UBXN2B: variants seen among roughly 807,000 people sequenced by gnomAD.
The protein encoded by UBXN2B is UBX domain protein 2B, also known as UBX domain-containing protein 2B.
In UBXN2B, 19 loss-of-function variants were observed where a neutral mutation model predicts 37.5. The observed-to-expected ratio is 0.51, with a 90% CI of 0.35 to 0.74. UBXN2B has a LOEUF of 0.74. Among genes scored for constraint, UBXN2B ranks in the 30% least tolerant of loss-of-function variants. The probability of loss-of-function intolerance (pLI) is 0.01; values close to 1 mark genes in which losing one functional copy is unlikely to be tolerated. For synonymous variants in UBXN2B, 145 were observed against 143.8 expected (o/e 1.01, Z -0.06); for missense variants, 370 against 393.2 (o/e 0.94, Z 0.50).
At chr8:58,428,425 T>C (rs933197642) in intron 2 of UBXN2B, among the ~76,000 whole-genome samples, 4 of 152,222 alleles carry the variant, frequency 2.6e-5, no homozygotes, top group Admixed American at 2.0e-4. Context: ...AATGACATAA[T>C]TGCATACAAA....
rs141672623 is a variant in UBXN2B at position 58,411,576 on chromosome 8, C to T, written c.84+107C>T. 1,268 of 944,220 alleles carry T rather than the reference C, an allele frequency of 1.3e-3. 4 individuals carry two copies. In the African/African-American group the frequency reaches 0.016, roughly 12 times the overall value. The allele number at this position is 944,220 out of a possible 1,614,324, so 58.5% of individuals were successfully genotyped here. On this transcript the variant is annotated intron_variant, in intron 1 of 7. Transcript: ENST00000399598. ...CTCTGGCCTCGGCGGAGCCTTTCCCCGACCCCGTCTGGGGATAGAATCCGG... is the reference window on the plus strand; with the variant it reads ...CTCTGGCCTCGGCGGAGCCTTTCCCTGACCCCGTCTGGGGATAGAATCCGG...
chr8:58,442,323 A>G (rs1471729664), intron 6 of UBXN2B, among the ~76,000 whole-genome samples: 1 of 152,256 alleles, frequency 6.6e-6, no homozygotes, highest in Middle Eastern at 3.2e-3. Context: ...GAAGAATTAC[A>G]TAGAACATTT....
intron 3 of UBXN2B, among the ~76,000 whole-genome samples, chr8:58,431,466 C>G (rs1808275175): frequency 6.6e-6 from 1 of 152,172 alleles, no homozygotes; most frequent in Non-Finnish European, 1.5e-5. Context: ...TTTAACCATT[C>G]ATTTATTGAG....
chr8:58,442,202 A>T (rs1430941761), intron 6 of UBXN2B, among the ~76,000 whole-genome samples: 1 of 152,138 alleles, frequency 6.6e-6, no homozygotes, highest in Non-Finnish European at 1.5e-5. Context: ...AGTCTGGGAG[A>T]TGGAGTCTTT....
At chr8:58,416,467 T>C (rs1340539542) in intron 1 of UBXN2B, among the ~76,000 whole-genome samples, 1 of 152,134 alleles carries the variant, frequency 6.6e-6, no homozygotes, top group Non-Finnish European at 1.5e-5. Context: ...TGAATGAAAC[T>C]ATTTTATGAG....
intron 1 of UBXN2B, among the ~76,000 whole-genome samples, chr8:58,413,770 T>C (rs1345244388): frequency 6.6e-6 from 1 of 152,120 alleles, no homozygotes; most frequent in African/African-American, 2.4e-5. Context: ...CGGAAATGTT[T>C]TTTTGCATAT....
intron 6 of UBXN2B, among the ~76,000 whole-genome samples, chr8:58,443,637 C>A (rs7840636): frequency 0.91 from 126,119 of 138,348 alleles, 57,009 homozygotes; most frequent in African/African-American, 0.96. Context: ...TACTAAAAAT[C>A]CAAAAAAAAA....
At chr8:58,432,671 C>T (rs1004367615) in intron 3 of UBXN2B, among the ~76,000 whole-genome samples, 2 of 152,134 alleles carry the variant, frequency 1.3e-5, no homozygotes, top group Admixed American at 6.6e-5. Context: ...CATGAGCCAC[C>T]TCTATACAGC....
intron 2 of UBXN2B, among the ~76,000 whole-genome samples, chr8:58,423,656 C>T (rs566621644): frequency 6.6e-6 from 1 of 151,602 alleles, no homozygotes; most frequent in African/African-American, 2.4e-5. Flanking sequence ...AGGATGGTCT[C>T]GATCTCCTGA....
intron 6 of UBXN2B, among the ~76,000 whole-genome samples, chr8:58,443,029 T>G (rs1808587559): frequency 6.6e-6 from 1 of 152,190 alleles, no homozygotes; most frequent in Non-Finnish European, 1.5e-5. Context: ...GACTGGGTTG[T>G]CAGCCCTGTG....
At chr8:58,437,142 T>C (rs919856342) in intron 5 of UBXN2B, among the ~76,000 whole-genome samples, 17 of 152,002 alleles carry the variant, frequency 1.1e-4, no homozygotes, top group African/African-American at 4.1e-4. Flanking sequence ...ATATGGACAG[T>C]GAAGTCCAGG....
At chr8:58,422,354 G>A (rs536943553) in intron 2 of UBXN2B, among the ~76,000 whole-genome samples, 60 of 152,200 alleles carry the variant, frequency 3.9e-4, no homozygotes, top group Admixed American at 1.7e-3. Flanking sequence ...ACCAGGGCTG[G>A]ATCTAGGCCT....
chr8:58,425,936 A>C, intron 2 of UBXN2B: 1 of 1,349,578 alleles, frequency 7.4e-7, no homozygotes, highest in Non-Finnish European at 1.1e-6. Flanking sequence ...AAAATCTCCA[A>C]GGTGGCTCTG....
At chr8:58,424,815 C>T in intron 2 of UBXN2B, 1 of 1,443,946 alleles carries the variant, frequency 6.9e-7, no homozygotes, top group Non-Finnish European at 9.7e-7. Context: ...CAGTATAATG[C>T]TGGACCGCCA....
chr8:58,430,984 C>T (rs943944543), intron 3 of UBXN2B, among the ~76,000 whole-genome samples: 3 of 152,120 alleles, frequency 2.0e-5, no homozygotes, highest in African/African-American at 2.4e-5. Flanking sequence ...CCAATGGTTA[C>T]GTTTCACATG....
chr8:58,437,432 A>G (rs961475812), intron 5 of UBXN2B, among the ~76,000 whole-genome samples: 16 of 149,536 alleles, frequency 1.1e-4, no homozygotes, highest in African/African-American at 3.7e-4. Flanking sequence ...GGTTCAAGCA[A>G]TTCTCCTGCC....
At chr8:58,434,888 T>G (rs1482590365) in intron 5 of UBXN2B, 1 of 1,535,538 alleles carries the variant, frequency 6.5e-7, no homozygotes, top group Non-Finnish European at 8.7e-7. Flanking sequence ...TGCCTGAAAT[T>G]CAGCAACTTA....
At chr8:58,447,326 T>C in intron 7 of UBXN2B, 63 bp from the exon 8 acceptor site, 1 of 1,443,484 alleles carries the variant, frequency 6.9e-7, no homozygotes, top group South Asian at 1.5e-5. Context: ...TATGATTCAG[T>C]TTTAAGTTTA....
rs1470954207 is a variant in UBXN2B at position 58,451,052 on chromosome 8, GA to G, written c.*3505del. 1 of 152,588 alleles carries G rather than the reference GA, an allele frequency of 6.6e-6. No homozygotes were observed. Among genetic ancestry groups the G allele is most frequent in the Non-Finnish European group, 1.5e-5 (1 of 68,014 alleles). 9.5% of individuals were successfully genotyped at this position (152,588 alleles called of 1,614,324 possible). A position where few individuals can be genotyped will look rare whatever the true frequency, so the allele number is the denominator to read the frequency against. ...TCATGGGTCAAAATCATCTTCCGAA[GA>G]AAATGATTTCTTAAAAGAATTGAAC... On this transcript the variant is annotated 3_prime_UTR_variant, in exon 8 of 8. Transcript: ENST00000399598.
Sources: allele counts gnomAD v4.1 joint callset (sites outside exome capture counted in the v4.1 genomes callset), GRCh38; gene constraint gnomAD v4.1.1; transcripts MANE v1.5; gene names NCBI Gene and HGNC (gene_info 2026-07-23, HGNC 2026-07-21).